Variants in NLGN1 observed in about 807,000 individuals in gnomAD.
The protein encoded by NLGN1 is neuroligin-1.
In NLGN1, 12 loss-of-function variants were observed where a neutral mutation model predicts 65.5. The ratio of observed to expected loss-of-function variants is 0.18; its 90% CI spans 0.12 to 0.30. The LOEUF is 0.30. Among genes scored for constraint, NLGN1 ranks in the 10% least tolerant of loss-of-function variants. The probability of loss-of-function intolerance (pLI) is 1.00; values close to 1 mark genes in which losing one functional copy is unlikely to be tolerated. For missense variants in NLGN1, 750 were observed against 1,007.1 expected (o/e 0.74, Z 3.46); for synonymous variants, 350 against 359.5 (o/e 0.97, Z 0.30).
intron 4 of NLGN1, among the ~76,000 whole-genome samples, chr3:173,933,787 G>A (rs1306980163): frequency 6.6e-6 from 1 of 152,032 alleles, no homozygotes; most frequent in Non-Finnish European, 1.5e-5. Flanking sequence ...TCTTTGTTCT[G>A]AATAACATCA....
intron 4 of NLGN1, among the ~76,000 whole-genome samples, chr3:174,214,778 T>TCA (rs550741913): frequency 7.2e-5 from 11 of 152,246 alleles, no homozygotes; most frequent in Admixed American, 3.3e-4. Context: ...TGATTGGTGG[T>TCA]CATCAGGGAC....
intron 2 of NLGN1, among the ~76,000 whole-genome samples, chr3:173,471,164 C>T (rs1232870388): frequency 6.6e-6 from 1 of 152,074 alleles, no homozygotes. Context: ...ACTGTTGCCT[C>T]GGGTCAGCAT....
intron 4 of NLGN1, among the ~76,000 whole-genome samples, chr3:173,923,468 T>C (rs533363846): frequency 2.0e-5 from 3 of 152,260 alleles, no homozygotes; most frequent in East Asian, 3.9e-4. Context: ...CTTCCCTCTT[T>C]AGAAGGGCAC....
At chr3:173,442,572 G>A (rs1719407891) in intron 2 of NLGN1, among the ~76,000 whole-genome samples, 1 of 152,090 alleles carries the variant, frequency 6.6e-6, no homozygotes, top group Admixed American at 6.5e-5. Context: ...GTATTGAAAG[G>A]TTTAAATTTT....
chr3:173,396,923 G>C (rs911222421), upstream of NLGN1, among the ~76,000 whole-genome samples: 5 of 152,172 alleles, frequency 3.3e-5, no homozygotes, highest in East Asian at 7.7e-4. Flanking sequence ...CTCTTTCCCA[G>C]GCTAGTAGCT....
intron 4 of NLGN1, among the ~76,000 whole-genome samples, chr3:173,955,359 G>T (rs931253379): frequency 1.3e-5 from 2 of 152,140 alleles, no homozygotes; most frequent in Admixed American, 6.5e-5. Flanking sequence ...TTTAGCAAAG[G>T]TTCCCAAATG....
chr3:173,688,781 TTCAAAATTAGTC>T (rs1051090572), intron 3 of NLGN1, among the ~76,000 whole-genome samples: 33 of 152,346 alleles, frequency 2.2e-4, no homozygotes, highest in African/African-American at 7.7e-4. Context: ...GTAGTCAGCA[TTCAAAATTAGTC>T]TTCAAAATGT....
At chr3:174,198,491 T>G (rs953859687) in intron 4 of NLGN1, among the ~76,000 whole-genome samples, 3 of 152,208 alleles carry the variant, frequency 2.0e-5, no homozygotes, top group Admixed American at 6.5e-5. Context: ...AATCAAAGTC[T>G]AAACATTTAC....
chr3:173,739,372 T>C (rs1401166119), intron 3 of NLGN1, among the ~76,000 whole-genome samples: 1 of 150,786 alleles, frequency 6.6e-6, no homozygotes, highest in Middle Eastern at 3.2e-3. Context: ...CATGTATCTG[T>C]AAATATTTTA....
At chr3:174,219,109 T>C (rs2902014) in intron 4 of NLGN1, among the ~76,000 whole-genome samples, 92,821 of 151,902 alleles carry the variant, frequency 0.61, 30,032 homozygotes, top group East Asian at 0.77. Flanking sequence ...TGGTTTCCTA[T>C]TTTCTGAAAT....
chr3:173,573,669 A>T (rs993010125), intron 2 of NLGN1, among the ~76,000 whole-genome samples: 19 of 151,308 alleles, frequency 1.3e-4, no homozygotes, highest in Non-Finnish European at 1.9e-4. Flanking sequence ...TATTATTATT[A>T]TTTTTTCTGT....
At chr3:173,710,980 GTGTC>G (rs1165393334) in intron 3 of NLGN1, among the ~76,000 whole-genome samples, 2 of 152,118 alleles carry the variant, frequency 1.3e-5, no homozygotes, top group Non-Finnish European at 1.5e-5. Context: ...CAAGATTTGA[GTGTC>G]TGTCTATGAG....
At position 173,407,019 on chromosome 3, in the gene NLGN1, TATTA is replaced by T. The variant is rs556750115; in HGVS notation, c.-390+8538_-390+8541del. ...TGAAGTAAGTAGGTTTCTATAAAATTATTAATTAAATTATTTTAATCCTCTAGTT... is the reference window on the plus strand; with the variant it reads ...TGAAGTAAGTAGGTTTCTATAAAATTATTAAATTATTTTAATCCTCTAGTT... On this transcript the variant is annotated intron_variant, in intron 1 of 6. Transcript: ENST00000457714. Among the ~76,000 whole-genome samples, 175 of 152,252 alleles carry T rather than the reference TATTA, an allele frequency of 1.1e-3. 1 individual carries two copies. The highest frequency in any genetic ancestry group is 2.0e-3 in the Non-Finnish European group (133 of 68,020).
At chr3:173,890,837 C>G (rs1180407476) in intron 4 of NLGN1, among the ~76,000 whole-genome samples, 2 of 152,092 alleles carry the variant, frequency 1.3e-5, no homozygotes, top group Non-Finnish European at 2.9e-5. Flanking sequence ...TGGTTGGAAT[C>G]TATGTGGCAT....
At chr3:173,917,038 C>T (rs567756537) in intron 4 of NLGN1, among the ~76,000 whole-genome samples, 3 of 152,158 alleles carry the variant, frequency 2.0e-5, no homozygotes, top group Middle Eastern at 3.4e-3. Context: ...GTGAGAATAA[C>T]ATAGAAAGGG....
At chr3:173,548,483 A>ATT (rs11343702) in intron 2 of NLGN1, among the ~76,000 whole-genome samples, 2 of 145,704 alleles carry the variant, frequency 1.4e-5, no homozygotes, top group Non-Finnish European at 3.0e-5. Context: ...AGCACCTCAC[A>ATT]TTTTTTTTTT....
chr3:174,099,169 TC>T (rs1377865027), intron 4 of NLGN1, among the ~76,000 whole-genome samples: 2 of 152,208 alleles, frequency 1.3e-5, no homozygotes, highest in Admixed American at 1.3e-4. Context: ...GACGTTTTAG[TC>T]CCAGCTATGC....
chr3:174,261,077 C>G (rs376340041), intron 4 of NLGN1, among the ~76,000 whole-genome samples: 4 of 152,216 alleles, frequency 2.6e-5, no homozygotes, highest in East Asian at 1.9e-4. Context: ...ATGCTGTTTT[C>G]GTTACTGTAG....
At chr3:174,192,720 G>A (rs1732630024) in intron 4 of NLGN1, among the ~76,000 whole-genome samples, 1 of 152,118 alleles carries the variant, frequency 6.6e-6, no homozygotes, top group Admixed American at 6.5e-5. Context: ...TCCCCAAAGT[G>A]CTTCTCACAA....
Sources: allele counts gnomAD v4.1 joint callset (sites outside exome capture counted in the v4.1 genomes callset), GRCh38; gene constraint gnomAD v4.1.1; transcripts MANE v1.5; gene names NCBI Gene and HGNC (gene_info 2026-07-23, HGNC 2026-07-21).